The following LIN54 variants were observed in gnomAD, a reference collection of about 807,000 sequenced individuals.
LIN54 encodes lin-54 DREAM MuvB core complex component, also known as protein lin-54 homolog.
In LIN54, 9 loss-of-function variants were observed where a neutral mutation model predicts 78.7. The ratio of observed to expected loss-of-function variants is 0.11; its 90% confidence interval spans 0.07 to 0.20. The LOEUF (loss-of-function observed/expected upper bound fraction) is 0.20, where lower values mean the gene tolerates loss of function less well. LIN54 is among the 10% of genes least tolerant of loss of function. The probability of loss-of-function intolerance (pLI) is 1.00; values close to 1 mark genes in which losing one functional copy is unlikely to be tolerated. For missense variants in LIN54, 573 were observed against 889.9 expected (o/e 0.64, Z 4.53); for synonymous variants, 269 against 318.4 (o/e 0.84, Z 1.65).
chr4:82,976,934 T>A (rs1457897383), intron 3 of LIN54, among the ~76,000 whole-genome samples: 1 of 152,114 alleles, frequency 6.6e-6, no homozygotes, highest in African/African-American at 2.4e-5. Context: ...CAGAAGTATA[T>A]CTCTATGTAT....
At chr4:83,011,628 T>C (rs1246209609), upstream of LIN54, among the ~76,000 whole-genome samples, 1 of 152,110 alleles carries the variant, frequency 6.6e-6, no homozygotes, top group Non-Finnish European at 1.5e-5. Flanking sequence ...ATATTTGTTC[T>C]GTACAGTAAA....
At position 82,970,477 on chromosome 4, in the gene LIN54, T is replaced by C. The variant is rs1394131508; in HGVS notation, c.809-8A>G. 14 of 1,600,968 alleles carry C rather than the reference T, an allele frequency of 8.7e-6. No individual in the cohort carries two copies. The highest frequency in any genetic ancestry group is 9.4e-6 in the Non-Finnish European group (11 of 1,176,256). ...ACTGTGAAAGAACCCTACCTGCAAA[T>C]GAGAGGCAGCACATCAGTTTGACTT... On this transcript the variant is annotated splice_polypyrimidine_tract_variant and splice_region_variant and intron_variant, in intron 3 of 12. Coordinates refer to ENST00000340417, the MANE Select transcript of LIN54 (RefSeq NM_194282.4).
chr4:82,997,834 A>C (rs1005636816), intron 1 of LIN54, among the ~76,000 whole-genome samples: 2 of 151,580 alleles, frequency 1.3e-5, no homozygotes, highest in Admixed American at 6.6e-5. Flanking sequence ...CTCTGCAAAA[A>C]TACAAAAAAA....
intron 3 of LIN54, among the ~76,000 whole-genome samples, chr4:82,976,813 G>A (rs1208781235): frequency 6.6e-6 from 1 of 152,188 alleles, no homozygotes; most frequent in Non-Finnish European, 1.5e-5. Context: ...AGGCACTTTG[G>A]TGGTTTAAAA....
intron 3 of LIN54, among the ~76,000 whole-genome samples, chr4:82,976,499 G>A (rs1258853673): frequency 6.6e-6 from 1 of 152,170 alleles, no homozygotes. Flanking sequence ...CACAAGGTCA[G>A]GAGTTCGAGA....
chr4:82,959,151 T>C (rs1724583518), intron 4 of LIN54, among the ~76,000 whole-genome samples: 1 of 152,138 alleles, frequency 6.6e-6, no homozygotes, highest in Admixed American at 6.6e-5. Context: ...TCCTTTATCA[T>C]ACTTCCCTGA....
At chr4:83,003,303 C>A (rs1327670224) in intron 1 of LIN54, 2 of 152,110 alleles carry the variant, frequency 1.3e-5, no homozygotes, top group Non-Finnish European at 2.9e-5. Flanking sequence ...GTGTAAGCCA[C>A]CTCGCCCGGC....
intron 1 of LIN54, among the ~76,000 whole-genome samples, chr4:82,999,416 G>A (rs1728541144): frequency 6.6e-6 from 1 of 152,118 alleles, no homozygotes; most frequent in Non-Finnish European, 1.5e-5. Context: ...TACACCAGCA[G>A]ATACGAAAAC....
intron 1 of LIN54, among the ~76,000 whole-genome samples, chr4:82,989,776 A>C (rs530238781): frequency 3.0e-4 from 45 of 152,244 alleles, no homozygotes; most frequent in African/African-American, 1.1e-3. Context: ...ATTTACTTTC[A>C]TTTTCAAGCA....
intron 1 of LIN54, among the ~76,000 whole-genome samples, chr4:83,003,872 A>G (rs1264043280): frequency 6.6e-6 from 1 of 152,188 alleles, no homozygotes; most frequent in African/African-American, 2.4e-5. Flanking sequence ...TTTCAATAGT[A>G]TTTTTATAAA....
intron 2 of LIN54, among the ~76,000 whole-genome samples, chr4:82,982,335 C>A (rs1726748658): frequency 6.6e-6 from 1 of 152,052 alleles, no homozygotes; most frequent in Admixed American, 6.5e-5. Flanking sequence ...CTCAAGCGAC[C>A]CTCTCACCTC....
At chr4:83,011,811 T>TAAAAA (rs70943185), upstream of LIN54, among the ~76,000 whole-genome samples, 671 of 135,740 alleles carry the variant, frequency 4.9e-3, 10 homozygotes, top group East Asian at 0.024. Flanking sequence ...AGATCAGCAT[T>TAAAAA]AAAAAAAAAA....
rs1721505153 is a variant in LIN54, at chr4:82,926,822, T to TG, written c.*1279dup. On this transcript the variant is annotated 3_prime_UTR_variant, in exon 13 of 13. Transcript: ENST00000340417. The stretch of plus-strand genomic sequence containing the variant: ...CCATTTCTGTAAATCAAGTAAGAGT[T>TG]GCGATTTGGTTTGAAACCTCTTAGT... 1 of 152,154 alleles carries TG rather than the reference T, an allele frequency of 6.6e-6. No individual in the cohort carries two copies. Among genetic ancestry groups the TG allele is most frequent in the African/African-American group, 2.4e-5 (1 of 41,438 alleles). 9.4% of individuals were successfully genotyped at this position (152,154 alleles called of 1,614,324 possible).
Position 82,977,799 on chromosome 4 carries a change from C to A in LIN54, c.808+1084G>T, listed in dbSNP as rs140467357. Among the ~76,000 whole-genome samples, 803 of 152,228 alleles carry A rather than the reference C, an allele frequency of 5.3e-3. 8 individuals are homozygous for A. The highest frequency in any genetic ancestry group is 8.9e-3 in the Non-Finnish European group (604 of 68,012). Reference sequence around the variant, plus strand: ...GAGGTGCTTTCATATAAGCCTTTAGCACAGTAGAAATTAGAAATGATCCTA... The same window carrying A: ...GAGGTGCTTTCATATAAGCCTTTAGAACAGTAGAAATTAGAAATGATCCTA... On this transcript the variant is annotated intron_variant, in intron 3 of 12. Transcript: ENST00000340417.
chr4:83,012,319 G>A (rs943910815), upstream of LIN54, among the ~76,000 whole-genome samples: 2 of 151,804 alleles, frequency 1.3e-5, no homozygotes, highest in Non-Finnish European at 1.5e-5. Context: ...GGACACGCAC[G>A]AACAAGAGCC....
chr4:83,010,806 G>A lies in LIN54; in HGVS notation c.-355C>T, dbSNP rs1578685567. On this transcript the variant is annotated 5_prime_UTR_variant, in exon 1 of 13. Coordinates refer to ENST00000340417, the MANE Select transcript of LIN54 (RefSeq NM_194282.4). ...GACAGCCGGAGCCCGGGCCGCCGCC[G>A]CCGCCGCCACCACCAGTAACCTCCC... 1 of 1,234,040 alleles carries A rather than the reference G, an allele frequency of 8.1e-7. No homozygotes were observed. The highest frequency in any genetic ancestry group is 4.2e-5 in the Admixed American group (1 of 23,710). The allele number at this position is 1,234,040 out of a possible 1,614,324, so 76.4% of individuals were successfully genotyped here. A position where few individuals can be genotyped will look rare whatever the true frequency, so the allele number is the denominator to read the frequency against.
chr4:82,981,151 A>C (rs1312497234), intron 2 of LIN54, among the ~76,000 whole-genome samples: 1 of 152,206 alleles, frequency 6.6e-6, no homozygotes, highest in Non-Finnish European at 1.5e-5. Flanking sequence ...ATGAAAAAAA[A>C]CTTACAAATA....
intron 8 of LIN54, among the ~76,000 whole-genome samples, 172 bp from the exon 9 acceptor site, chr4:82,937,470 T>G (rs531683395): frequency 1.4e-4 from 21 of 152,366 alleles, no homozygotes; most frequent in Middle Eastern, 6.8e-3. Flanking sequence ...CAATGTTAAA[T>G]GTGTCCATCT....
intron 8 of LIN54, 68 bp from the exon 9 acceptor site, chr4:82,937,366 CAACT>C: frequency 1.0e-6 from 1 of 989,522 alleles, no homozygotes; most frequent in Admixed American, 2.6e-5. Flanking sequence ...TTAGTTGCTA[CAACT>C]AATTTAAAAT....
Sources: allele counts gnomAD v4.1 joint callset (sites outside exome capture counted in the v4.1 genomes callset), GRCh38; gene constraint gnomAD v4.1.1; transcripts MANE v1.5; gene names NCBI Gene and HGNC (gene_info 2026-07-23, HGNC 2026-07-21).